The following COG6 variants were observed in gnomAD, a reference collection of about 807,000 sequenced individuals.
COG6 encodes the protein conserved oligomeric Golgi complex subunit 6.
COG6 carries 74 observed loss-of-function variants against 88.8 expected under a neutral mutation model. The ratio of observed to expected loss-of-function variants is 0.83; its 90% CI spans 0.69 to 1.01. The LOEUF (loss-of-function observed/expected upper bound fraction) is 1.01. COG6 is among the 50% of genes least tolerant of loss of function. The probability of loss-of-function intolerance (pLI) is 0.00; values close to 1 mark genes in which losing one functional copy is unlikely to be tolerated. For synonymous variants in COG6, 286 were observed against 278.7 expected, an observed-to-expected ratio of 1.03 and a Z score of -0.26; for missense variants, 800 against 797.9, an observed-to-expected ratio of 1.00 and a Z score of -0.03.
chr13:39,662,438 T>C (rs1209872246), intron 3 of COG6, among the ~76,000 whole-genome samples: 1 of 152,140 alleles, frequency 6.6e-6, no homozygotes, highest in Non-Finnish European at 1.5e-5. Flanking sequence ...GTCCTTTATA[T>C]TTTCTTTGCA....
At position 39,694,419 on chromosome 13, in the gene COG6, T is replaced by G. The variant is rs77734895; in HGVS notation, c.1075-215T>G. On this transcript the variant is annotated intron_variant, in intron 11 of 18. Transcript: ENST00000455146. Reference sequence around the variant, plus strand: ...ACTGCCTTGAACCAAATTCTGCAAATAATGGGTCAGATTTTTGTAGAGTAT... The same window carrying G: ...ACTGCCTTGAACCAAATTCTGCAAAGAATGGGTCAGATTTTTGTAGAGTAT... Among the ~76,000 whole-genome samples, 378 of 151,850 alleles carry G rather than the reference T, an allele frequency of 2.5e-3. 9 individuals are homozygous for G. In the East Asian group the frequency reaches 0.057, roughly 23 times the overall value.
chr13:39,747,474 C>A (rs897903515), intron 18 of COG6, among the ~76,000 whole-genome samples: 10 of 152,026 alleles, frequency 6.6e-5, no homozygotes, highest in South Asian at 2.1e-4. Flanking sequence ...ATGAAGATTT[C>A]TTTTTATCCA....
chr13:39,661,926 CATT>C (rs1874920757), intron 3 of COG6, among the ~76,000 whole-genome samples: 1 of 151,374 alleles, frequency 6.6e-6, no homozygotes, highest in Non-Finnish European at 1.5e-5. Flanking sequence ...TTTTAAATAA[CATT>C]ATGCTTTGTT....
chr13:39,684,682 A>G (rs1236578700), intron 8 of COG6, among the ~76,000 whole-genome samples: 1 of 152,226 alleles, frequency 6.6e-6, no homozygotes, highest in Non-Finnish European at 1.5e-5. Context: ...TCAAAGTGGT[A>G]GTTTCCTTAC....
At position 39,724,568 on chromosome 13, in the gene COG6, G is replaced by A. The variant is rs1487655232; in HGVS notation, c.1746+7G>A. The stretch of plus-strand genomic sequence containing the variant: ...GACACTGAAGGCTGCAATGGTAAGT[G>A]TATAATAAAACATTTTAATTTAGAT... On this transcript the variant is annotated splice_region_variant and intron_variant, in intron 17 of 18. Coordinates refer to ENST00000455146, the MANE Select transcript of COG6 (RefSeq NM_020751.3). 2.5e-6 allele frequency: 4 copies of A among 1,579,370 alleles called. No individual in the cohort carries two copies. In the African/African-American group the frequency reaches 4.1e-5, roughly 16 times the overall value.
chr13:39,677,626 A>G, intron 5 of COG6, 47 bp downstream of exon 5: 2 of 1,127,938 alleles, frequency 1.8e-6, no homozygotes, highest in Non-Finnish European at 2.6e-6. Context: ...GTAGTTACAG[A>G]TATTAGAGAG....
At chr13:39,698,015 T>G (rs780779285) in intron 12 of COG6, among the ~76,000 whole-genome samples, 11 of 151,774 alleles carry the variant, frequency 7.2e-5, no homozygotes, top group Non-Finnish European at 1.6e-4. Flanking sequence ...AACTGAAAAA[T>G]CAAGTAATGG....
chr13:39,679,255 C>A, intron 5 of COG6: 1 of 412,314 alleles, frequency 2.4e-6, no homozygotes, highest in Non-Finnish European at 4.4e-6. Context: ...ACGTACACTT[C>A]TTGAGGACAG....
At chr13:39,785,023 C>T (rs146032780) in intron 18 of COG6, among the ~76,000 whole-genome samples, 1 of 152,312 alleles carries the variant, frequency 6.6e-6, no homozygotes, top group Non-Finnish European at 1.5e-5. Flanking sequence ...GTCTCAGGTC[C>T]TTGGCCTTGA....
intron 13 of COG6, among the ~76,000 whole-genome samples, chr13:39,704,043 G>C (rs1835631647): frequency 6.6e-6 from 1 of 151,890 alleles, no homozygotes; most frequent in African/African-American, 2.4e-5. Flanking sequence ...CCTAGCCCTG[G>C]TTTCACTTTT....
intron 18 of COG6, among the ~76,000 whole-genome samples, chr13:39,729,198 C>T (rs920763940): frequency 6.6e-6 from 1 of 152,204 alleles, no homozygotes; most frequent in African/African-American, 2.4e-5. Flanking sequence ...GGACCCTGGT[C>T]TGTGGCCTGT....
intron 3 of COG6, 40 bp downstream of exon 3, chr13:39,660,921 T>C (rs1198433497): frequency 1.7e-6 from 2 of 1,186,844 alleles, no homozygotes; most frequent in Non-Finnish European, 2.5e-6. Context: ...GTTCCTGATA[T>C]AAACTTACAA....
At chr13:39,779,585 G>A (rs1213099796) in intron 18 of COG6, among the ~76,000 whole-genome samples, 2 of 152,220 alleles carry the variant, frequency 1.3e-5, no homozygotes, top group African/African-American at 2.4e-5. Flanking sequence ...AGATGAGAAA[G>A]ACCAAATGGC....
chr13:39,703,601 C>T (rs1233549219), intron 13 of COG6, among the ~76,000 whole-genome samples: 3 of 151,806 alleles, frequency 2.0e-5, no homozygotes, highest in African/African-American at 7.2e-5. Flanking sequence ...GTTTTTTTCC[C>T]TTGGGAGCAT....
At chr13:39,678,957 A>G (rs1178344253) in intron 5 of COG6, among the ~76,000 whole-genome samples, 1 of 152,138 alleles carries the variant, frequency 6.6e-6, no homozygotes, top group Non-Finnish European at 1.5e-5. Context: ...TTATTCATCA[A>G]AGAAAAATAA....
intron 18 of COG6, among the ~76,000 whole-genome samples, chr13:39,768,101 T>C (rs1268531524): frequency 7.1e-6 from 1 of 141,784 alleles, no homozygotes; most frequent in Admixed American, 7.7e-5. Flanking sequence ...TAACTTCTCT[T>C]TCTTGCAGTT....
chr13:39,702,453 T>C (rs866978518), intron 13 of COG6, among the ~76,000 whole-genome samples: 1 of 151,982 alleles, frequency 6.6e-6, no homozygotes, highest in Non-Finnish European at 1.5e-5. Flanking sequence ...TATAAGAATG[T>C]TTCAGTGTTA....
At chr13:39,676,169 C>G (rs917643155) in intron 4 of COG6, among the ~76,000 whole-genome samples, 1 of 152,048 alleles carries the variant, frequency 6.6e-6, no homozygotes, top group Non-Finnish European at 1.5e-5. Flanking sequence ...CCAATCTCTT[C>G]CTGTCCCCTT....
intron 2 of COG6, among the ~76,000 whole-genome samples, chr13:39,660,591 G>A (rs1385597286): frequency 6.6e-6 from 1 of 151,958 alleles, no homozygotes; most frequent in Non-Finnish European, 1.5e-5. Flanking sequence ...GTTTTCCTGC[G>A]GTCATATTCT....
Sources: gnomAD v4.1 joint callset for allele counts (sites outside exome capture counted in the v4.1 genomes callset) on GRCh38, gnomAD v4.1.1 for gene constraint, MANE v1.5 for transcripts, NCBI Gene and HGNC (gene_info 2026-07-23, HGNC 2026-07-21) for gene names.